The following RNF13 variants were observed in gnomAD, a reference collection of about 807,000 sequenced individuals.
RNF13 encodes the protein ring finger protein 13.
RNF13 carries 19 observed loss-of-function variants against 37.7 expected under a neutral mutation model. The observed-to-expected ratio is 0.50, with a 90% CI of 0.35 to 0.74. The LOEUF (loss-of-function observed/expected upper bound fraction) is 0.74. RNF13 is among the 30% of genes least tolerant of loss of function. The pLI, the probability that RNF13 is intolerant of heterozygous loss-of-function variation, is 0.01. For synonymous variants in RNF13, 144 were observed against 157.8 expected (o/e 0.91, Z 0.65); for missense variants, 375 against 453.0 (o/e 0.83, Z 1.56).
intron 3 of RNF13, among the ~76,000 whole-genome samples, chr3:149,861,044 C>T (rs1365179283): frequency 6.6e-6 from 1 of 151,892 alleles, no homozygotes; most frequent in East Asian, 1.9e-4. Context: ...AAATGTAAAT[C>T]AAAACCACAG....
intron 5 of RNF13, among the ~76,000 whole-genome samples, chr3:149,896,472 C>T (rs897114288): frequency 6.6e-6 from 1 of 151,446 alleles, no homozygotes; most frequent in African/African-American, 2.4e-5. Flanking sequence ...TTGTTTTTGC[C>T]CTTCTTCTTT....
intron 5 of RNF13, among the ~76,000 whole-genome samples, chr3:149,896,311 G>A (rs1407386975): frequency 6.6e-6 from 1 of 152,040 alleles, no homozygotes; most frequent in East Asian, 1.9e-4. Flanking sequence ...TATTTTCAGG[G>A]TAGAGCAAAG....
At chr3:149,836,235 ATTG>A (rs986521434) in intron 1 of RNF13, among the ~76,000 whole-genome samples, 4 of 151,934 alleles carry the variant, frequency 2.6e-5, no homozygotes, top group Non-Finnish European at 5.9e-5. Context: ...TTTTGATGGG[ATTG>A]TTAACTCAGT....
chr3:149,864,332 G>A (rs1475882425), intron 3 of RNF13, among the ~76,000 whole-genome samples: 1 of 151,996 alleles, frequency 6.6e-6, no homozygotes, highest in Non-Finnish European at 1.5e-5. Context: ...CACTATGCAT[G>A]AGTGGAAGCA....
intron 4 of RNF13, 25 bp from the exon 5 acceptor site, chr3:149,895,440 ACATAATTT>A (rs1559935014): frequency 3.4e-6 from 4 of 1,193,398 alleles, no homozygotes; most frequent in African/African-American, 4.1e-5. Flanking sequence ...CTTCCTTATA[ACATAATTT>A]TTTTTTTTTT....
chr3:149,928,818 C>T (rs1387383822), intron 8 of RNF13, among the ~76,000 whole-genome samples: 1 of 152,126 alleles, frequency 6.6e-6, no homozygotes, highest in East Asian at 1.9e-4. Context: ...ATATGGGATG[C>T]TTTTCCATTT....
At chr3:149,878,493 C>T (rs1036581317) in intron 4 of RNF13, among the ~76,000 whole-genome samples, 1 of 152,060 alleles carries the variant, frequency 6.6e-6, no homozygotes, top group Non-Finnish European at 1.5e-5. Flanking sequence ...GTAATATTGG[C>T]AGGATTGCTT....
chr3:149,828,745 A>G (rs77325226), intron 1 of RNF13, among the ~76,000 whole-genome samples: 1,766 of 152,150 alleles, frequency 0.012, 33 homozygotes, highest in African/African-American at 0.04. Flanking sequence ...TTTATGAATA[A>G]TGACTTGGTA....
At chr3:149,825,176 G>A (rs1323393374) in intron 1 of RNF13, among the ~76,000 whole-genome samples, 2 of 150,228 alleles carry the variant, frequency 1.3e-5, no homozygotes, top group Non-Finnish European at 3.0e-5. Flanking sequence ...CCAGGCTCCA[G>A]CAACCCTTTT....
At chr3:149,863,691 A>G (rs1282532370) in intron 3 of RNF13, among the ~76,000 whole-genome samples, 1 of 152,110 alleles carries the variant, frequency 6.6e-6, no homozygotes, top group African/African-American at 2.4e-5. Flanking sequence ...ACATTTGTTC[A>G]TAATACTAAA....
chr3:149,817,614 G>C (rs960778571), intron 1 of RNF13, among the ~76,000 whole-genome samples: 6 of 152,172 alleles, frequency 3.9e-5, no homozygotes, highest in Non-Finnish European at 8.8e-5. Flanking sequence ...ATGAAAGTCA[G>C]GGTGCAGCTA....
intron 4 of RNF13, among the ~76,000 whole-genome samples, chr3:149,893,157 AT>A (rs1357445605): frequency 6.6e-6 from 1 of 152,178 alleles, no homozygotes; most frequent in Non-Finnish European, 1.5e-5. Flanking sequence ...TATCTTACTC[AT>A]TATGTAAGCT....
chr3:149,835,301 A>G (rs1000394153), intron 1 of RNF13, among the ~76,000 whole-genome samples: 2 of 152,150 alleles, frequency 1.3e-5, no homozygotes, highest in Non-Finnish European at 2.9e-5. Flanking sequence ...AATTTAAAAA[A>G]TTTTTTTATT....
intron 8 of RNF13, among the ~76,000 whole-genome samples, chr3:149,951,391 G>A (rs1721318226): frequency 6.6e-6 from 1 of 152,210 alleles, no homozygotes; most frequent in African/African-American, 2.4e-5. Context: ...AGAAATCAGT[G>A]CATTCATGAG....
intron 4 of RNF13, among the ~76,000 whole-genome samples, chr3:149,874,133 CT>C (rs1425438958): frequency 1.3e-5 from 2 of 152,114 alleles, no homozygotes; most frequent in African/African-American, 4.8e-5. Flanking sequence ...AGGGTCTAGT[CT>C]GTTGTACATG....
rs1717421476 is a variant in RNF13 at position 149,915,564 on chromosome 3, A to G, written c.606+3481A>G. ...ATTTGTACACCATGTTTATAGCAAT[A>G]TTATTTACAATAGCCAATGATGAAA... On this transcript the variant is annotated intron_variant, in intron 7 of 9. Coordinates refer to ENST00000392894, the MANE Select transcript of RNF13 (RefSeq NM_183381.3). 2.0e-5 allele frequency among the ~76,000 whole-genome samples: 3 copies of G among 152,232 alleles called. No homozygotes were observed. In the South Asian group the frequency reaches 6.2e-4, roughly 32 times the overall value.
At chr3:149,879,319 T>TC in intron 4 of RNF13, among the ~76,000 whole-genome samples, 1 of 151,222 alleles carries the variant, frequency 6.6e-6, no homozygotes, top group Admixed American at 6.6e-5. Flanking sequence ...TTTTTTTTTT[T>TC]TTTTTTGAGA....
At chr3:149,957,970 A>C (rs1722024228) in intron 8 of RNF13, among the ~76,000 whole-genome samples, 1 of 152,188 alleles carries the variant, frequency 6.6e-6, no homozygotes. Context: ...CCATGATCAC[A>C]AACTGTACCT....
At chr3:149,878,677 T>G (rs1713032900) in intron 4 of RNF13, among the ~76,000 whole-genome samples, 1 of 152,242 alleles carries the variant, frequency 6.6e-6, no homozygotes, top group Non-Finnish European at 1.5e-5. Flanking sequence ...TTCTACTTCT[T>G]AATTTCTTCT....
Sources: gnomAD v4.1 joint callset for allele counts (sites outside exome capture counted in the v4.1 genomes callset) on GRCh38, gnomAD v4.1.1 for gene constraint, MANE v1.5 for transcripts, NCBI Gene and HGNC (gene_info 2026-07-23, HGNC 2026-07-21) for gene names.